MTUS2: variants seen among roughly 807,000 people sequenced by gnomAD.
MTUS2 encodes microtubule associated scaffold protein 2, also known as microtubule-associated tumor suppressor candidate 2.
In MTUS2, 40 loss-of-function variants were observed where a neutral mutation model predicts 114.1. That is an observed-to-expected ratio of 0.35 (90% CI 0.27 to 0.46). The LOEUF is 0.46. Among genes scored for constraint, MTUS2 ranks in the 20% least tolerant of loss-of-function variants. The pLI is 1.00. For synonymous variants in MTUS2, 688 were observed against 672.0 expected (o/e 1.02, Z -0.37); for missense variants, 1,679 against 1,705.4 (o/e 0.98, Z 0.27).
intron 8 of MTUS2, among the ~76,000 whole-genome samples, chr13:29,359,733 TGAAAG>T (rs913738066): frequency 9.9e-5 from 15 of 151,990 alleles, no homozygotes; most frequent in African/African-American, 1.9e-4. Flanking sequence ...ATGTAAAAAA[TGAAAG>T]GAAAGGATAT....
chr13:29,143,468 G>T (rs1892309619), intron 5 of MTUS2, among the ~76,000 whole-genome samples: 1 of 152,108 alleles, frequency 6.6e-6, no homozygotes, highest in Non-Finnish European at 1.5e-5. Flanking sequence ...AAAAATGGGG[G>T]TTATATAGCA....
chr13:28,980,976 G>C (rs1341860060), intron 2 of MTUS2, among the ~76,000 whole-genome samples: 1 of 152,194 alleles, frequency 6.6e-6, no homozygotes, highest in Non-Finnish European at 1.5e-5. Flanking sequence ...GACATGTCTT[G>C]ACTTAATGTT....
At chr13:29,450,521 A>T (rs1362885451) in intron 9 of MTUS2, among the ~76,000 whole-genome samples, 1 of 152,222 alleles carries the variant, frequency 6.6e-6, no homozygotes, top group Non-Finnish European at 1.5e-5. Flanking sequence ...GCTGACTCAA[A>T]ATTAAGAAAC....
intron 6 of MTUS2, among the ~76,000 whole-genome samples, chr13:29,291,660 A>G (rs185704244): frequency 1.8e-4 from 28 of 152,278 alleles, no homozygotes; most frequent in African/African-American, 6.3e-4. Flanking sequence ...TTGAGGTCGT[A>G]GGGCTCGCTC....
At chr13:29,012,320 A>T (rs1885879744) in intron 2 of MTUS2, among the ~76,000 whole-genome samples, 1 of 152,108 alleles carries the variant, frequency 6.6e-6, no homozygotes, top group African/African-American at 2.4e-5. Flanking sequence ...CCCGGGAATC[A>T]GCTGCCCTCC....
Position 29,500,398 on chromosome 13 carries a change from G to A in MTUS2, c.3799-699G>A, listed in dbSNP as rs1882807986. 2.0e-5 allele frequency among the ~76,000 whole-genome samples: 3 copies of A among 152,276 alleles called. No homozygotes were observed. In the South Asian group the frequency reaches 6.2e-4, roughly 32 times the overall value. On this transcript the variant is annotated intron_variant, in intron 14 of 15. Transcript: ENST00000612955. ...TCAGGAAATAATTTATTTCTAAATT[G>A]GTCTTAGAATCAAACTGTACTTCAG...
At chr13:29,012,105 A>C (rs1218148900) in intron 2 of MTUS2, among the ~76,000 whole-genome samples, 1 of 152,174 alleles carries the variant, frequency 6.6e-6, no homozygotes, top group South Asian at 2.1e-4. Context: ...GCAGTCCTGT[A>C]GATAAGGGAG....
intron 5 of MTUS2, among the ~76,000 whole-genome samples, chr13:29,250,801 C>T (rs1326386499): frequency 6.6e-6 from 1 of 152,030 alleles, no homozygotes; most frequent in Non-Finnish European, 1.5e-5. Context: ...AGTTAAGTAC[C>T]AAGAATTTCT....
At chr13:28,994,147 C>T (rs1342806544) in intron 2 of MTUS2, among the ~76,000 whole-genome samples, 1 of 152,048 alleles carries the variant, frequency 6.6e-6, no homozygotes, top group African/African-American at 2.4e-5. Context: ...TGAGAACATG[C>T]AGTGTTTGGT....
intron 6 of MTUS2, among the ~76,000 whole-genome samples, chr13:29,299,606 C>T (rs767167088): frequency 5.9e-5 from 9 of 152,116 alleles, no homozygotes; most frequent in Non-Finnish European, 1.0e-4. Flanking sequence ...ACATAGTGCA[C>T]AGAAAACATG....
At chr13:29,344,741 A>T (rs990522922) in intron 7 of MTUS2, among the ~76,000 whole-genome samples, 3 of 151,876 alleles carry the variant, frequency 2.0e-5, no homozygotes, top group Non-Finnish European at 2.9e-5. Flanking sequence ...TCATTCTGTT[A>T]TTGTTTTATA....
intron 8 of MTUS2, among the ~76,000 whole-genome samples, chr13:29,395,100 A>G (rs1208912635): frequency 6.6e-6 from 1 of 152,212 alleles, no homozygotes; most frequent in Non-Finnish European, 1.5e-5. Context: ...GATTTCTTTC[A>G]GGGCCTGCTA....
chr13:29,353,732 C>T (rs980349136), intron 7 of MTUS2, among the ~76,000 whole-genome samples: 2 of 152,194 alleles, frequency 1.3e-5, no homozygotes, highest in African/African-American at 4.8e-5. Flanking sequence ...AATTTTTCTA[C>T]ACTACTGAGC....
intron 10 of MTUS2, among the ~76,000 whole-genome samples, chr13:29,483,190 TCTC>T (rs2138915627): frequency 6.6e-6 from 1 of 152,326 alleles, no homozygotes; most frequent in East Asian, 1.9e-4. Context: ...TGGCCTGGCA[TCTC>T]CTCATGACCC....
At chr13:29,199,452 T>A (rs1837785824) in intron 5 of MTUS2, among the ~76,000 whole-genome samples, 2 of 152,228 alleles carry the variant, frequency 1.3e-5, no homozygotes, top group Non-Finnish European at 2.9e-5. Context: ...GATAATCATG[T>A]GGTTTTTGTC....
intron 7 of MTUS2, chr13:29,339,660 T>C: frequency 5.6e-6 from 1 of 178,002 alleles, no homozygotes; most frequent in Non-Finnish European, 1.2e-5. Flanking sequence ...GGCCCAGTGA[T>C]GCTCAGGAGC....
chr13:29,260,044 AG>A (rs1897412611), intron 5 of MTUS2, among the ~76,000 whole-genome samples: 1 of 152,380 alleles, frequency 6.6e-6, no homozygotes, highest in African/African-American at 2.4e-5. Flanking sequence ...GCCGGAGCAA[AG>A]AAAAGAATTC....
intron 6 of MTUS2, among the ~76,000 whole-genome samples, chr13:29,318,638 T>C (rs539958008): frequency 2.6e-4 from 39 of 152,324 alleles, no homozygotes; most frequent in African/African-American, 8.7e-4. Context: ...GCATTTGTAA[T>C]AAACAAGTTG....
At chr13:29,390,396 G>A (rs1239689404) in intron 8 of MTUS2, among the ~76,000 whole-genome samples, 1 of 151,922 alleles carries the variant, frequency 6.6e-6, no homozygotes, top group Non-Finnish European at 1.5e-5. Flanking sequence ...GCTCACACCT[G>A]TAATCCCAGC....
Sources: gnomAD v4.1 joint callset for allele counts (sites outside exome capture counted in the v4.1 genomes callset) on GRCh38, gnomAD v4.1.1 for gene constraint, MANE v1.5 for transcripts, NCBI Gene and HGNC (gene_info 2026-07-23, HGNC 2026-07-21) for gene names.